The following CACNA2D1 variants were observed in gnomAD, a reference collection of about 807,000 sequenced individuals.
The protein encoded by CACNA2D1 is calcium voltage-gated channel auxiliary subunit alpha2delta 1.
Under a neutral mutation model 171.5 loss-of-function variants are expected in CACNA2D1, and 53 were observed. The observed-to-expected ratio is 0.31, with a 90% CI of 0.25 to 0.39. The LOEUF (loss-of-function observed/expected upper bound fraction) is 0.39. CACNA2D1 is among the 10% of genes least tolerant of loss of function. The pLI, the probability that CACNA2D1 is intolerant of heterozygous loss-of-function variation, is 1.00. For missense variants in CACNA2D1, 903 were observed against 1,299.8 expected, an observed-to-expected ratio of 0.69 and a Z score of 4.69; for synonymous variants, 442 against 443.1, an observed-to-expected ratio of 1.00 and a Z score of 0.03.
chr7:82,243,114 A>T (rs997593433), intron 3 of CACNA2D1, among the ~76,000 whole-genome samples: 3 of 152,170 alleles, frequency 2.0e-5, no homozygotes, highest in Non-Finnish European at 4.4e-5. Flanking sequence ...TATAAAAAAC[A>T]TTTTAAACTG....
chr7:82,038,128 T>G lies in CACNA2D1; in HGVS notation c.987A>C (p.Gly329=). 6.2e-7 allele frequency: 1 copy of G among 1,613,764 alleles called. No individual in the cohort carries two copies. The highest frequency in any genetic ancestry group is 8.5e-7 in the Non-Finnish European group (1 of 1,179,798). ...KDAVNNITAK[G]ITDYKKGFSF... The stretch of plus-strand genomic sequence containing the variant: ...TAAAGCCCTTCTTATAATCTGTAAT[T>G]CCTTTGGCTGTGATATTATTCACCG... Residue 329 remains glycine (G), a synonymous_variant, in exon 11 of 39, where the codon GGA becomes GGC. Coordinates refer to ENST00000356860, the MANE Select transcript of CACNA2D1 (RefSeq NM_000722.4).
At chr7:82,274,605 A>C (rs1809077371) in intron 3 of CACNA2D1, among the ~76,000 whole-genome samples, 1 of 152,164 alleles carries the variant, frequency 6.6e-6, no homozygotes, top group South Asian at 2.1e-4. Context: ...TTTCTCGTTC[A>C]CTGAGTCAAT....
intron 38 of CACNA2D1, among the ~76,000 whole-genome samples, chr7:81,952,603 A>G (rs929132349): frequency 6.6e-6 from 1 of 152,046 alleles, no homozygotes; most frequent in Non-Finnish European, 1.5e-5. Context: ...CCTTTGGCTA[A>G]TGTACTCTTC....
At chr7:81,987,058 T>C (rs376964905) in intron 21 of CACNA2D1, among the ~76,000 whole-genome samples, 2 of 152,282 alleles carry the variant, frequency 1.3e-5, no homozygotes, top group Admixed American at 6.5e-5. Flanking sequence ...AAATATAGTA[T>C]GGAAACCCAT....
intron 12 of CACNA2D1, chr7:82,029,374 A>T (rs371924641): frequency 2.0e-5 from 3 of 151,694 alleles, no homozygotes; most frequent in African/African-American, 7.2e-5. Context: ...AAAACAAAAA[A>T]CTTGTGTGAC....
At chr7:82,085,247 C>T (rs1432362281) in intron 6 of CACNA2D1, among the ~76,000 whole-genome samples, 5 of 152,086 alleles carry the variant, frequency 3.3e-5, no homozygotes, top group Non-Finnish European at 5.9e-5. Flanking sequence ...GCATCTCTGG[C>T]CTCTATCCAC....
At chr7:81,956,700 C>G (rs1408591996) in intron 38 of CACNA2D1, among the ~76,000 whole-genome samples, 1 of 152,114 alleles carries the variant, frequency 6.6e-6, no homozygotes, top group Admixed American at 6.6e-5. Context: ...TGTGAATTCA[C>G]TCCATTCATA....
In CACNA2D1 at chr7:82,265,460, T is replaced by C. The variant is rs76161429; in HGVS notation, c.294+69675A>G. 7.1e-3 allele frequency among the ~76,000 whole-genome samples: 1,054 copies of C among 148,480 alleles called. 21 individuals carry two copies. Among genetic ancestry groups the C allele is most frequent in the African/African-American group, 0.025 (997 of 39,904 alleles). ...TTTGGTGTCAGTATAATTTTTGTCC[T>C]TCTATTTATTTAACAAAGAACACAT... On this transcript the variant is annotated intron_variant, in intron 3 of 38. Transcript: ENST00000356860.
intron 1 of CACNA2D1, among the ~76,000 whole-genome samples, chr7:82,415,138 T>C (rs1048880284): frequency 6.6e-6 from 1 of 152,178 alleles, no homozygotes; most frequent in African/African-American, 2.4e-5. Flanking sequence ...TCCCCTGTGG[T>C]TGCACCACAG....
At chr7:82,075,953 T>C (rs1164874097) in intron 7 of CACNA2D1, among the ~76,000 whole-genome samples, 1 of 152,188 alleles carries the variant, frequency 6.6e-6, no homozygotes, top group African/African-American at 2.4e-5. Context: ...CTTATTTACA[T>C]ATTTTGCATA....
At chr7:81,999,719 C>T (rs565886250) in intron 18 of CACNA2D1, among the ~76,000 whole-genome samples, 2 of 152,112 alleles carry the variant, frequency 1.3e-5, no homozygotes, top group South Asian at 4.2e-4. Context: ...CACTAAAATG[C>T]ACATGACTGC....
intron 3 of CACNA2D1, among the ~76,000 whole-genome samples, chr7:82,279,476 G>A (rs1031806574): frequency 2.4e-4 from 37 of 152,116 alleles, no homozygotes; most frequent in Admixed American, 7.2e-4. Flanking sequence ...AATCCAAAAT[G>A]ACTGGCTAAT....
chr7:82,206,844 A>G (rs1460881091), intron 3 of CACNA2D1, among the ~76,000 whole-genome samples: 1 of 152,214 alleles, frequency 6.6e-6, no homozygotes, highest in East Asian at 1.9e-4. Context: ...CAAAACAATA[A>G]TGAAACTTAT....
chr7:82,004,133 C>G (rs1465570060), intron 18 of CACNA2D1, among the ~76,000 whole-genome samples: 1 of 152,092 alleles, frequency 6.6e-6, no homozygotes, highest in Non-Finnish European at 1.5e-5. Context: ...AACAATAATA[C>G]TTCAAAATTA....
intron 3 of CACNA2D1, among the ~76,000 whole-genome samples, chr7:82,283,462 C>T (rs1220126068): frequency 6.6e-6 from 1 of 152,170 alleles, no homozygotes; most frequent in Non-Finnish European, 1.5e-5. Context: ...AGTATTAAAA[C>T]ATATAATCAA....
At chr7:82,183,444 C>T (rs1232184990) in intron 3 of CACNA2D1, among the ~76,000 whole-genome samples, 1 of 152,142 alleles carries the variant, frequency 6.6e-6, no homozygotes, top group African/African-American at 2.4e-5. Context: ...ATATAATTCT[C>T]AATTTGGTTT....
chr7:82,408,022 C>CTTT (rs552179208), intron 1 of CACNA2D1, among the ~76,000 whole-genome samples: 2 of 136,620 alleles, frequency 1.5e-5, no homozygotes, highest in African/African-American at 5.3e-5. Flanking sequence ...CTTGTACTTT[C>CTTT]TTTTTTTTTT....
chr7:82,408,171 C>A (rs1291723268), intron 1 of CACNA2D1, among the ~76,000 whole-genome samples: 3 of 151,956 alleles, frequency 2.0e-5, no homozygotes, highest in Non-Finnish European at 4.4e-5. Context: ...CAGGCACCCA[C>A]CACCATGCCC....
chr7:82,181,044 T>A (rs1175412568), intron 3 of CACNA2D1, among the ~76,000 whole-genome samples: 5 of 52,704 alleles, frequency 9.5e-5, no homozygotes, highest in African/African-American at 3.9e-4. Flanking sequence ...ATGTCGGATT[T>A]TTTTTTTTTT....
Sources: allele counts gnomAD v4.1 joint callset (sites outside exome capture counted in the v4.1 genomes callset), GRCh38; gene constraint gnomAD v4.1.1; transcripts MANE v1.5; gene names NCBI Gene and HGNC (gene_info 2026-07-23, HGNC 2026-07-21).